UQCR11: variants seen among roughly 807,000 people sequenced by gnomAD.
UQCR11 encodes cytochrome b-c1 complex subunit 10.
UQCR11 carries 10 observed loss-of-function variants against 7.6 expected under a neutral mutation model. That is an observed-to-expected ratio of 1.31 (90% confidence interval 0.81 to 2.22). The LOEUF is 2.22. UQCR11 is among the 30% of genes most tolerant of loss of function. The probability of loss-of-function intolerance (pLI) is 0.00; values close to 1 mark genes in which losing one functional copy is unlikely to be tolerated. For synonymous variants in UQCR11, 34 were observed against 34.9 expected, an observed-to-expected ratio of 0.97 and a Z score of 0.09; for missense variants, 86 against 75.1, an observed-to-expected ratio of 1.15 and a Z score of -0.54.
At chr19:1,600,014 G>A (rs997313044) in intron 1 of UQCR11, among the ~76,000 whole-genome samples, 6 of 152,212 alleles carry the variant, frequency 3.9e-5, no homozygotes, top group Non-Finnish European at 5.9e-5. Context: ...GGCGAGGATC[G>A]AGGCCTCCGG....
intron 1 of UQCR11, among the ~76,000 whole-genome samples, chr19:1,602,709 C>G (rs1399260660): frequency 6.6e-6 from 1 of 152,198 alleles, no homozygotes; most frequent in Non-Finnish European, 1.5e-5. Flanking sequence ...ACCTCAGCCT[C>G]TCAAGGTTCT....
At chr19:1,600,205 G>T (rs904180624) in intron 1 of UQCR11, among the ~76,000 whole-genome samples, 4 of 150,152 alleles carry the variant, frequency 2.7e-5, no homozygotes, top group Non-Finnish European at 3.0e-5. Flanking sequence ...TTGGGCACAG[G>T]CTTCTTTTTT....
rs148649128 is a variant in UQCR11 at position 1,605,373 on chromosome 19, G to A, written c.37C>T (p.Leu13=). 1.8e-5 allele frequency: 28 copies of A among 1,579,510 alleles called. No homozygotes were observed. Among genetic ancestry groups the A allele is most frequent in the Non-Finnish European group, 2.4e-5 (28 of 1,167,610 alleles). Residue 13 remains leucine (L), a synonymous_variant, in exon 1 of 3, where the codon CTG becomes TTG. Coordinates refer to ENST00000591899, the MANE Select transcript of UQCR11 (RefSeq NM_006830.4). ...TRFLGPRYRE[L]VKNWVPTAYT... ...CGGCGTCCTCACCAGTTCTTGACCA[G>A]CTCCCGGTAGCGTGGGCCCAGGAAC...
In UQCR11 at chr19:1,599,513, A is replaced by T; in HGVS notation, c.98T>A (p.Val33Glu). ...TWGAVGAVGL[V>E]WATDWRLILD... ...GATCAGCCGCCAATCGGTGGCCCAC[A>T]CCAGCCCCACGGCGCCCACAGCGCC... Residue 33 changes from valine to glutamate, a missense_variant, in exon 2 of 3, where the codon GTG becomes GAG. By Grantham distance (121) the Val-to-Glu change is moderately radical (BLOSUM62 -2). Coordinates refer to ENST00000591899, the MANE Select transcript of UQCR11 (RefSeq NM_006830.4). 1 of 1,613,232 alleles carries T rather than the reference A, an allele frequency of 6.2e-7. No individual in the cohort carries two copies. Among genetic ancestry groups the T allele is most frequent in the Non-Finnish European group, 8.5e-7 (1 of 1,179,984 alleles).
intron 1 of UQCR11, among the ~76,000 whole-genome samples, chr19:1,599,993 G>T (rs1476377090): frequency 1.3e-5 from 2 of 152,214 alleles, no homozygotes; most frequent in African/African-American, 2.4e-5. Context: ...CTCACCTGAG[G>T]CCACACAGCT....
intron 2 of UQCR11, chr19:1,598,994 G>A (rs2060739214): frequency 5.7e-6 from 1 of 175,182 alleles, no homozygotes; most frequent in Non-Finnish European, 1.2e-5. Context: ...TGGCATGCTG[G>A]AGAAACACGT....
rs958844431 is a variant in UQCR11, at chr19:1,597,599, G to A, written c.*645C>T. On this transcript the variant is annotated 3_prime_UTR_variant, in exon 3 of 3. Transcript: ENST00000591899. ...GCCATGCCGTGAGGATGCTCAAGCA[G>A]CTTCGTGTAGGGGCCCCCATGGGAA... 6.6e-6 allele frequency: 1 copy of A among 152,246 alleles called. No individual in the cohort carries two copies. Among genetic ancestry groups the A allele is most frequent in the Non-Finnish European group, 1.5e-5 (1 of 68,062 alleles). 9.4% of individuals were successfully genotyped at this position (152,246 alleles called of 1,614,324 possible).
intron 1 of UQCR11, chr19:1,602,300 C>G (rs61759525): frequency 0.043 from 6,551 of 152,282 alleles, 229 homozygotes; most frequent in Non-Finnish European, 0.065. Context: ...TCACCAGAGA[C>G]TCTCCAAGTG....
chr19:1,598,545 A>G lies in UQCR11; in HGVS notation c.*29-330T>C, dbSNP rs1482554843. On this transcript the variant is annotated intron_variant, in intron 2 of 2. Transcript: ENST00000591899. Reference sequence around the variant, plus strand: ...GGCAACAAGAGCCAAACTCTGTCTCAAAAAAAAAAAAAAAAATTAGCTGCG... The same window carrying G: ...GGCAACAAGAGCCAAACTCTGTCTCGAAAAAAAAAAAAAAAATTAGCTGCG... Among the ~76,000 whole-genome samples the G allele has an allele frequency of 1.6e-4, 23 of 140,026 alleles. No homozygotes were observed. In the East Asian group the frequency reaches 4.6e-3, roughly 28 times the overall value. 91.9% of individuals were successfully genotyped at this position (140,026 alleles called of 152,430 possible). A position where few individuals can be genotyped will look rare whatever the true frequency, so the allele number is the denominator to read the frequency against.
chr19:1,605,255 C>A (rs2060758623), intron 1 of UQCR11, 105 bp downstream of exon 1: 1 of 1,321,960 alleles, frequency 7.6e-7, no homozygotes, highest in Non-Finnish European at 1.0e-6. Context: ...GGGACCTGGG[C>A]CCGGCCCGGC....
At chr19:1,604,038 C>T (rs2060754764) in intron 1 of UQCR11, among the ~76,000 whole-genome samples, 1 of 152,214 alleles carries the variant, frequency 6.6e-6, no homozygotes, top group Non-Finnish European at 1.5e-5. Flanking sequence ...CTCCACCTCC[C>T]GGGTTTGAGC....
At chr19:1,601,292 C>T (rs918460539) in intron 1 of UQCR11, among the ~76,000 whole-genome samples, 1 of 150,376 alleles carries the variant, frequency 6.6e-6, no homozygotes, top group Non-Finnish European at 1.5e-5. Context: ...AGAGAACTGA[C>T]GGCAGCCTCC....
chr19:1,604,621 G>C (rs531277642), intron 1 of UQCR11, among the ~76,000 whole-genome samples: 3 of 151,956 alleles, frequency 2.0e-5, no homozygotes, highest in South Asian at 2.1e-4. Flanking sequence ...TCCTCCTCCC[G>C]GGTTCAAGCG....
intron 1 of UQCR11, among the ~76,000 whole-genome samples, chr19:1,601,855 G>A (rs1024509043): frequency 6.6e-6 from 1 of 152,074 alleles, no homozygotes; most frequent in Non-Finnish European, 1.5e-5. Context: ...GGCCAACAGA[G>A]GGCTGAAATT....
At chr19:1,602,871 A>T (rs1352465607) in intron 1 of UQCR11, among the ~76,000 whole-genome samples, 2 of 152,212 alleles carry the variant, frequency 1.3e-5, no homozygotes, top group African/African-American at 2.4e-5. Flanking sequence ...GTGTGGGAAG[A>T]GCCCACAAAA....
Position 1,605,397 on chromosome 19 carries a change from A to G in UQCR11, c.13T>C (p.Phe5Leu). The change falls in exon 1 of 3, where the codon TTC (phenylalanine) becomes CTC (leucine). Residue 5 changes from phenylalanine (F) to leucine (L), a missense_variant. Phe to Leu is a conservative substitution (Grantham distance 22). Coordinates refer to ENST00000591899, the MANE Select transcript of UQCR11 (RefSeq NM_006830.4). The stretch of plus-strand genomic sequence containing the variant: ...AGCTCCCGGTAGCGTGGGCCCAGGA[A>G]CCGGGTCACCATCGCGGCGGAGTCG... MVTR[F>L]LGPRYRELVK... The G allele has an allele frequency of 6.4e-7, 1 of 1,565,632 alleles. No homozygotes were observed. Among genetic ancestry groups the G allele is most frequent in the Non-Finnish European group, 8.6e-7 (1 of 1,159,332 alleles).
Position 1,605,446 on chromosome 19 carries a change from G to T in UQCR11, c.-37C>A. ...CGCACCCTCAGGATGACCCTGTCCA[G>T]CTGACCCGGCTACACTGCGCAGGCG... On this transcript the variant is annotated 5_prime_UTR_variant, in exon 1 of 3. In the 5' UTR this introduces an upstream ATG that the reference lacks. Coordinates refer to ENST00000591899, the MANE Select transcript of UQCR11 (RefSeq NM_006830.4). The T allele has an allele frequency of 7.5e-7, 1 of 1,329,872 alleles. No individual in the cohort carries two copies. The highest frequency in any genetic ancestry group is 1.3e-5 in the South Asian group (1 of 78,590). 82.4% of individuals were successfully genotyped at this position (1,329,872 alleles called of 1,614,324 possible). A position where few individuals can be genotyped will look rare whatever the true frequency, so the allele number is the denominator to read the frequency against.
intron 1 of UQCR11, among the ~76,000 whole-genome samples, chr19:1,604,401 G>A (rs1166262526): frequency 6.6e-6 from 1 of 152,092 alleles, no homozygotes. Context: ...TGTAGAGATG[G>A]GGTTTCATTG....
At position 1,598,130 on chromosome 19, in the gene UQCR11, G is replaced by GTGGGTTTC. The variant is rs1001895564; in HGVS notation, c.*106_*113dup. ...AACATAAGAAGCCTGAAGCTGAGCTGTGGGTTTCCTCTTGTCCATCCTGAG... is the reference window on the plus strand; with the variant it reads ...AACATAAGAAGCCTGAAGCTGAGCTGTGGGTTTCTGGGTTTCCTCTTGTCCATCCTGAG... On this transcript the variant is annotated 3_prime_UTR_variant, in exon 3 of 3. Coordinates refer to ENST00000591899, the MANE Select transcript of UQCR11 (RefSeq NM_006830.4). 2.0e-5 allele frequency: 3 copies of GTGGGTTTC among 152,296 alleles called. No homozygotes were observed. Among genetic ancestry groups the GTGGGTTTC allele is most frequent in the Admixed American group, 1.3e-4 (2 of 15,284 alleles). The allele number at this position is 152,296 out of a possible 1,614,324, so 9.4% of individuals were successfully genotyped here.
Sources: allele counts gnomAD v4.1 joint callset (sites outside exome capture counted in the v4.1 genomes callset), GRCh38; gene constraint gnomAD v4.1.1; transcripts MANE v1.5; gene names NCBI Gene and HGNC (gene_info 2026-07-23, HGNC 2026-07-21).